NASP: variants seen among roughly 807,000 people sequenced by gnomAD.
NASP encodes the protein nuclear autoantigenic sperm protein, also known as NASP histone chaperone.
NASP carries 24 observed loss-of-function variants against 89.5 expected under a neutral mutation model. That is an observed-to-expected ratio of 0.27 (90% CI 0.19 to 0.38). The LOEUF (loss-of-function observed/expected upper bound fraction) is 0.38, where lower values mean the gene tolerates loss of function less well. Among genes scored for constraint, NASP ranks in the 10% least tolerant of loss-of-function variants. NASP has a pLI of 1.00. For missense variants in NASP, 848 were observed against 921.4 expected (o/e 0.92, Z 1.03); for synonymous variants, 306 against 324.7 (o/e 0.94, Z 0.62).
Position 45,608,305 on chromosome 1 carries a change from A to G in NASP, c.1394A>G (p.Gln465Arg), listed in dbSNP as rs887292077. The change falls in exon 6 of 15, where the codon CAA becomes CGA. Residue 465 changes from glutamine to arginine, a missense_variant. Transcript: ENST00000350030. The stretch of plus-strand genomic sequence containing the variant: ...CAGATAGCTGCTAATGAAGAGACAC[A>G]AGAGAGAGAAGAACAGATGAAAGAG... ...KVQIAANEET[Q>R]EREEQMKEGE... 2 of 1,611,942 alleles carry G rather than the reference A, an allele frequency of 1.2e-6. No individual in the cohort carries two copies. The highest frequency in any genetic ancestry group is 2.2e-5 in the South Asian group (2 of 90,722).
rs75187774 is a variant in NASP at position 45,607,690 on chromosome 1, A to G, written c.779A>G (p.Gln260Arg). 20 of 1,614,222 alleles carry G rather than the reference A, an allele frequency of 1.2e-5. No individual in the cohort carries two copies. The Middle Eastern group carries it at 2.3e-3, about 186-fold the overall frequency. ...VQEECREKGG[Q>R]EKQGEVIVSI... is the part of the protein sequence containing the mutation. ...GAAGAGTGCAGAGAAAAAGGAGGTCAGGAGAAGCAGGGAGAGGTAATTGTG... is the reference window on the plus strand; with the variant it reads ...GAAGAGTGCAGAGAAAAAGGAGGTCGGGAGAAGCAGGGAGAGGTAATTGTG... The change falls in exon 6 of 15, where the codon CAG (glutamine) becomes CGG (arginine). Residue 260 changes from glutamine to arginine, a missense_variant. By Grantham distance (43) the Gln-to-Arg change is conservative. Transcript: ENST00000350030.
intron 3 of NASP, among the ~76,000 whole-genome samples, chr1:45,602,927 C>T (rs754859947): frequency 2.6e-5 from 4 of 152,204 alleles, no homozygotes; most frequent in Non-Finnish European, 5.9e-5. Flanking sequence ...CACTGAGCCC[C>T]AGCCTGACTT....
At chr1:45,593,388 T>C (rs1225828913) in intron 2 of NASP, among the ~76,000 whole-genome samples, 2 of 151,692 alleles carry the variant, frequency 1.3e-5, no homozygotes, top group East Asian at 3.9e-4. Flanking sequence ...CAAAAATTAG[T>C]TGAGCGTGGT....
chr1:45,585,573 G>A (rs1033814901), intron 1 of NASP, among the ~76,000 whole-genome samples: 2 of 152,030 alleles, frequency 1.3e-5, no homozygotes, highest in Admixed American at 1.3e-4. Context: ...ATTGGGCTTG[G>A]GAGTCGTGCT....
intron 9 of NASP, among the ~76,000 whole-genome samples, chr1:45,614,629 C>T (rs1245817223): frequency 6.6e-6 from 1 of 152,180 alleles, no homozygotes; most frequent in Non-Finnish European, 1.5e-5. Flanking sequence ...ACCTCCGCCA[C>T]CCGGGTTCAA....
At chr1:45,602,466 T>C (rs1385428643) in intron 3 of NASP, 101 bp downstream of exon 3, 1 of 1,135,416 alleles carries the variant, frequency 8.8e-7, no homozygotes, top group Non-Finnish European at 1.2e-6. Context: ...AGCAAGAGTT[T>C]TAAAACATTT....
Position 45,607,685 on chromosome 1 carries a change from A to T in NASP, c.774A>T (p.Gly258=). ...TCCAAGAAGAGTGCAGAGAAAAAGG[A>T]GGTCAGGAGAAGCAGGGAGAGGTAA... is the stretch of plus-strand genomic sequence containing the variant. ...TDVQEECREK[G]GQEKQGEVIV... Residue 258 remains glycine, a synonymous_variant, in exon 6 of 15, where the codon GGA becomes GGT. Transcript: ENST00000350030. The T allele has an allele frequency of 6.2e-7, 1 of 1,614,150 alleles. No homozygotes were observed. Among genetic ancestry groups the T allele is most frequent in the Non-Finnish European group, 8.5e-7 (1 of 1,180,016 alleles).
intron 9 of NASP, 197 bp from the exon 10 acceptor site, chr1:45,614,816 T>A (rs1385510752): frequency 5.6e-6 from 3 of 540,272 alleles, no homozygotes; most frequent in African/African-American, 1.9e-5. Flanking sequence ...GGATTACAGG[T>A]GTGAGCCACC....
In NASP at chr1:45,616,349, A is replaced by G; in HGVS notation, c.2035A>G (p.Thr679Ala). 1 of 1,614,160 alleles carries G rather than the reference A, an allele frequency of 6.2e-7. No individual in the cohort carries two copies. Among genetic ancestry groups the G allele is most frequent in the Non-Finnish European group, 8.5e-7 (1 of 1,180,022 alleles). Residue 679 changes from threonine to alanine, a missense_variant, in exon 12 of 15, where the codon ACT (threonine) becomes GCT (alanine). By Grantham distance (58) the Thr-to-Ala change is moderately conservative. Coordinates refer to ENST00000350030, the MANE Select transcript of NASP (RefSeq NM_002482.4). ...ALKATLVESSTSGFTPGGGGS... is the reference protein window; with the variant it reads ...ALKATLVESSASGFTPGGGGS... ...TCATTTCTCGCAGGTGGAGAGTTCT[A>G]CTTCAGGTTTCACTCCTGGTGGAGG...
chr1:45,594,751 C>T (rs1315923036), intron 2 of NASP: 1 of 455,066 alleles, frequency 2.2e-6, no homozygotes, highest in Non-Finnish European at 4.4e-6. Context: ...TCACCTCAGC[C>T]ACCTGAAGTG....
chr1:45,609,251 A>G (rs1385615060), intron 6 of NASP: 1 of 152,180 alleles, frequency 6.6e-6, no homozygotes, highest in Non-Finnish European at 1.5e-5. Context: ...ATTCCAACTA[A>G]TTGTTACTTC....
intron 1 of NASP, among the ~76,000 whole-genome samples, chr1:45,589,940 A>G (rs1472461933): frequency 6.6e-6 from 1 of 152,114 alleles, no homozygotes; most frequent in African/African-American, 2.4e-5. Flanking sequence ...TATTGCCCAG[A>G]TAGGACATGA....
At chr1:45,594,077 G>A (rs1280125536) in intron 2 of NASP, among the ~76,000 whole-genome samples, 2 of 151,532 alleles carry the variant, frequency 1.3e-5, no homozygotes, top group African/African-American at 4.9e-5. Context: ...GGTGGCTCAC[G>A]CACTTTGGGA....
Position 45,584,318 on chromosome 1 carries a change from A to G in NASP, c.59+113A>G, listed in dbSNP as rs1299810824. On this transcript the variant is annotated intron_variant, in intron 1 of 14. Coordinates refer to ENST00000350030, the MANE Select transcript of NASP (RefSeq NM_002482.4). ...GGGCGGGAGTACTTGCCTTCCCAAG[A>G]GCAGCTGTCGCTGTTCGGGAAGGCC... 4 of 938,720 alleles carry G rather than the reference A, an allele frequency of 4.3e-6. No homozygotes were observed. In the African/African-American group the frequency reaches 8.5e-5, roughly 20 times the overall value. The allele number at this position is 938,720 out of a possible 1,614,324, so 58.1% of individuals were successfully genotyped here. A position where few individuals can be genotyped will look rare whatever the true frequency, so the allele number is the denominator to read the frequency against.
At chr1:45,605,922 A>G (rs1373358741) in intron 4 of NASP, among the ~76,000 whole-genome samples, 1 of 151,444 alleles carries the variant, frequency 6.6e-6, no homozygotes, top group East Asian at 1.9e-4. Context: ...GATTACAAGT[A>G]TGCGCCACCA....
chr1:45,591,179 TG>T lies in NASP; in HGVS notation c.60-43del, dbSNP rs757853206. On this transcript the variant is annotated intron_variant, in intron 1 of 14. Transcript: ENST00000350030. Reference sequence around the variant, plus strand: ...TTATTTTATTTTCAGGCTTAATAATTGCCTCCAGTTTTACATTTTTTCCCCT... The same window carrying T: ...TTATTTTATTTTCAGGCTTAATAATTCCTCCAGTTTTACATTTTTTCCCCT... The T allele has an allele frequency of 4.2e-6, 5 of 1,180,528 alleles. No individual in the cohort carries two copies. The East Asian group carries it at 1.3e-4, about 30-fold the overall frequency. The allele number at this position is 1,180,528 out of a possible 1,614,324, so 73.1% of individuals were successfully genotyped here. A position where few individuals can be genotyped will look rare whatever the true frequency, so the allele number is the denominator to read the frequency against.
At chr1:45,594,202 G>A (rs915560230) in intron 2 of NASP, among the ~76,000 whole-genome samples, 1 of 151,882 alleles carries the variant, frequency 6.6e-6, no homozygotes. Flanking sequence ...GGTGGCTAGC[G>A]CCTGTAATTC....
chr1:45,606,488 G>C lies in NASP; in HGVS notation c.306G>C (p.Glu102Asp). The C allele has an allele frequency of 6.2e-7, 1 of 1,612,758 alleles. No homozygotes were observed. The change falls in exon 5 of 15, where the codon GAG (glutamate) becomes GAC (aspartate). Residue 102 changes from glutamate to aspartate, a missense_variant. Coordinates refer to ENST00000350030, the MANE Select transcript of NASP (RefSeq NM_002482.4). The part of the protein sequence containing the change: ...GKSLLELARM[E>D]NGVLGNALEG... Reference sequence around the variant, plus strand: ...CTTTCTTTTGTTCTCCTAGAATGGAGAATGGTGTGTTGGGAAACGCCTTGG... The same window carrying C: ...CTTTCTTTTGTTCTCCTAGAATGGACAATGGTGTGTTGGGAAACGCCTTGG...
intron 14 of NASP, 115 bp downstream of exon 14, chr1:45,617,706 T>C: frequency 8.0e-7 from 1 of 1,248,484 alleles, no homozygotes; most frequent in Non-Finnish European, 1.1e-6. Flanking sequence ...GATTGTTGAG[T>C]GCAGTCCTCA....
Sources: allele counts gnomAD v4.1 joint callset (sites outside exome capture counted in the v4.1 genomes callset), GRCh38; gene constraint gnomAD v4.1.1; transcripts MANE v1.5; gene names NCBI Gene and HGNC (gene_info 2026-07-23, HGNC 2026-07-21).